RCHY1: variants seen among roughly 807,000 people sequenced by gnomAD.
RCHY1 encodes ring finger and CHY zinc finger domain containing 1.
A neutral mutation model predicts 41.6 loss-of-function variants in RCHY1; 21 were observed. The observed-to-expected ratio is 0.51, with a 90% CI of 0.36 to 0.73. The LOEUF (loss-of-function observed/expected upper bound fraction) is 0.73. RCHY1 is among the 30% of genes least tolerant of loss of function. The pLI, the probability that RCHY1 is intolerant of heterozygous loss-of-function variation, is 0.00. For missense variants in RCHY1, 265 were observed against 325.3 expected, an observed-to-expected ratio of 0.81 and a Z score of 1.43; for synonymous variants, 79 against 102.9, an observed-to-expected ratio of 0.77 and a Z score of 1.41.
In RCHY1 at chr4:75,493,997, T is replaced by C. The variant is rs535625832; in HGVS notation, c.405+104A>G. Reference sequence around the variant, plus strand: ...TTTCAAAAAAGCAATATAGTTGCACTTGGAAATACATGAAAATTAGCATGC... The same window carrying C: ...TTTCAAAAAAGCAATATAGTTGCACCTGGAAATACATGAAAATTAGCATGC... On this transcript the variant is annotated intron_variant, in intron 4 of 8. Coordinates refer to ENST00000324439, the MANE Select transcript of RCHY1 (RefSeq NM_015436.4). 4.9e-4 allele frequency: 339 copies of C among 684,880 alleles called. 1 individual carries two copies. In the African/African-American group the frequency reaches 5.9e-3, roughly 12 times the overall value. The allele number at this position is 684,880 out of a possible 1,614,324, so 42.4% of individuals were successfully genotyped here.
At chr4:75,508,497 C>G (rs1724552398) in intron 3 of RCHY1, among the ~76,000 whole-genome samples, 1 of 151,982 alleles carries the variant, frequency 6.6e-6, no homozygotes, top group Non-Finnish European at 1.5e-5. Context: ...TATCCCAATT[C>G]TCTACCTCAG....
At chr4:75,489,758 T>C (rs1481463433) in intron 8 of RCHY1, among the ~76,000 whole-genome samples, 2 of 152,174 alleles carry the variant, frequency 1.3e-5, no homozygotes, top group Admixed American at 1.3e-4. Context: ...ATTTTGATGG[T>C]CCAATGACTA....
At chr4:75,482,810 T>G (rs928186133) in intron 8 of RCHY1, 144 bp from the exon 9 acceptor site, 1 of 525,198 alleles carries the variant, frequency 1.9e-6, no homozygotes. Context: ...AAATTTCTTC[T>G]TATTTTTTCA....
At chr4:75,503,000 A>G (rs1022796625) in intron 3 of RCHY1, among the ~76,000 whole-genome samples, 10 of 152,202 alleles carry the variant, frequency 6.6e-5, no homozygotes, top group Non-Finnish European at 1.2e-4. Flanking sequence ...GAAAATTTAG[A>G]CAAAGCAGAA....
At chr4:75,514,064 C>T (rs1725264756) in intron 1 of RCHY1, 133 bp downstream of exon 1, 1 of 1,398,342 alleles carries the variant, frequency 7.2e-7, no homozygotes, top group African/African-American at 1.4e-5. Flanking sequence ...AAGAAGAACC[C>T]AGTTCCAGGT....
intron 3 of RCHY1, among the ~76,000 whole-genome samples, chr4:75,496,757 C>T (rs960123956): frequency 2.6e-5 from 4 of 152,102 alleles, no homozygotes; most frequent in African/African-American, 9.6e-5. Context: ...CAAAATAAAG[C>T]TCAAGAAGAT....
chr4:75,486,032 G>C (rs1202923691), intron 8 of RCHY1, among the ~76,000 whole-genome samples: 1 of 152,156 alleles, frequency 6.6e-6, no homozygotes, highest in African/African-American at 2.4e-5. Flanking sequence ...GCCTAGACCT[G>C]TAGCTACAAA....
chr4:75,485,566 G>T (rs1721928685), intron 8 of RCHY1, among the ~76,000 whole-genome samples: 1 of 152,136 alleles, frequency 6.6e-6, no homozygotes. Flanking sequence ...CTTGGTTTGA[G>T]CAAATGATGG....
chr4:75,484,763 A>G (rs1347234694), intron 8 of RCHY1, among the ~76,000 whole-genome samples: 1 of 152,180 alleles, frequency 6.6e-6, no homozygotes, highest in Non-Finnish European at 1.5e-5. Flanking sequence ...AGAAATGGCA[A>G]AACCTTACTA....
At chr4:75,490,858 T>G (rs995183072) in intron 7 of RCHY1, 157 bp from the exon 8 acceptor site, 7 of 532,104 alleles carry the variant, frequency 1.3e-5, no homozygotes, top group Non-Finnish European at 2.3e-5. Flanking sequence ...ACTTTCACAC[T>G]ATAAAACTTT....
chr4:75,514,558 T>C, upstream of RCHY1: 2 of 339,430 alleles, frequency 5.9e-6, no homozygotes, highest in Non-Finnish European at 1.1e-5. Flanking sequence ...CCCCAATCGC[T>C]ACCCGCCCAA....
intron 8 of RCHY1, among the ~76,000 whole-genome samples, chr4:75,490,077 T>C (rs1322300939): frequency 6.6e-6 from 1 of 152,178 alleles, no homozygotes; most frequent in Non-Finnish European, 1.5e-5. Flanking sequence ...TGTTCCTTGC[T>C]TATGATTCTG....
chr4:75,509,088 A>T, intron 2 of RCHY1, 89 bp downstream of exon 2: 5 of 1,346,050 alleles, frequency 3.7e-6, no homozygotes, highest in East Asian at 2.4e-5. Flanking sequence ...AAGTTAAAGA[A>T]ATCTTATTTA....
chr4:75,491,772 G>A lies in RCHY1; in HGVS notation c.461C>T (p.Thr154Ile). Reference protein sequence around the residue: ...NCPICLEDIHTSRVVAHVLPC... With the variant: ...NCPICLEDIHISRVVAHVLPC... ...CAAGACATGAGCAACAACACGGGAT[G>A]TGTGAATGTCCTGTAAATGAAATAA... Residue 154 changes from threonine (T) to isoleucine (I), a missense_variant, in exon 6 of 9, where the codon ACA becomes ATA. Transcript: ENST00000324439. The A allele has an allele frequency of 6.2e-7, 1 of 1,612,756 alleles. No homozygotes were observed. The highest frequency in any genetic ancestry group is 8.5e-7 in the Non-Finnish European group (1 of 1,179,046).
intron 3 of RCHY1, among the ~76,000 whole-genome samples, chr4:75,500,172 A>G (rs1723618188): frequency 6.6e-6 from 1 of 152,168 alleles, no homozygotes; most frequent in East Asian, 1.9e-4. Flanking sequence ...GTAATGGATA[A>G]CCCAATTAGC....
At position 75,480,124 on chromosome 4, in the gene RCHY1, A is replaced by G. The variant is rs1380172229; in HGVS notation, c.*2414T>C. Reference sequence around the variant, plus strand: ...TCGAGTTGACGTGTCATGAACAAATACTTGAAGCAACCCTGGGTACCGAAG... The same window carrying G: ...TCGAGTTGACGTGTCATGAACAAATGCTTGAAGCAACCCTGGGTACCGAAG... On this transcript the variant is annotated 3_prime_UTR_variant, in exon 9 of 9. Transcript: ENST00000324439. 1.3e-5 allele frequency: 2 copies of G among 152,206 alleles called. No homozygotes were observed. Among genetic ancestry groups the G allele is most frequent in the Non-Finnish European group, 2.9e-5 (2 of 68,038 alleles). The allele number at this position is 152,206 out of a possible 1,614,324, so 9.4% of individuals were successfully genotyped here.
chr4:75,483,740 C>T (rs1021068551), intron 8 of RCHY1, among the ~76,000 whole-genome samples: 1 of 152,098 alleles, frequency 6.6e-6, no homozygotes, highest in Non-Finnish European at 1.5e-5. Flanking sequence ...TTATGAAACA[C>T]TCCAGTGTAA....
chr4:75,496,052 T>C (rs538421615), intron 3 of RCHY1, among the ~76,000 whole-genome samples: 83 of 152,238 alleles, frequency 5.5e-4, no homozygotes, highest in Middle Eastern at 3.4e-3. Context: ...TTGTGAATTT[T>C]CTCTTACAAA....
At chr4:75,513,628 G>A (rs1457167601) in intron 1 of RCHY1, among the ~76,000 whole-genome samples, 3 of 152,108 alleles carry the variant, frequency 2.0e-5, no homozygotes, top group Non-Finnish European at 4.4e-5. Flanking sequence ...AGATTAAGAA[G>A]TTTTCTCAGA....
Sources: gnomAD v4.1 joint callset for allele counts (sites outside exome capture counted in the v4.1 genomes callset) on GRCh38, gnomAD v4.1.1 for gene constraint, MANE v1.5 for transcripts, NCBI Gene and HGNC (gene_info 2026-07-23, HGNC 2026-07-21) for gene names.